Variants in FKBP6 observed in about 807,000 individuals in gnomAD.
FKBP6 encodes inactive peptidyl-prolyl cis-trans isomerase FKBP6.
Under a neutral mutation model 41.7 loss-of-function variants are expected in FKBP6, and 29 were observed. The observed-to-expected ratio is 0.70, with a 90% CI of 0.52 to 0.95. The LOEUF (loss-of-function observed/expected upper bound fraction) is 0.95. FKBP6 is among the 40% of genes least tolerant of loss of function. The pLI, the probability that FKBP6 is intolerant of heterozygous loss-of-function variation, is 0.00. For missense variants in FKBP6, 338 were observed against 408.7 expected, an observed-to-expected ratio of 0.83 and a Z score of 1.49; for synonymous variants, 130 against 165.1, an observed-to-expected ratio of 0.79 and a Z score of 1.63.
At position 73,329,369 on chromosome 7, in the gene FKBP6, C is replaced by T. The variant is rs781937546; in HGVS notation, c.185C>T (p.Ser62Leu). Reference protein sequence around the residue: ...APDASVLVKYSGYLEHMDRPF... With the variant: ...APDASVLVKYLGYLEHMDRPF... ...CTTTCTTCTATCCTAGTGAAATACT[C>T]GGGATACCTGGAACACATGGACAGA... is the stretch of plus-strand genomic sequence containing the variant. Residue 62 changes from serine to leucine, a missense_variant, in exon 3 of 9, where the codon TCG becomes TTG. Physicochemically the swap from Ser to Leu is moderately radical, Grantham distance 145. Coordinates refer to ENST00000252037, the MANE Select transcript of FKBP6 (RefSeq NM_003602.5). 5.6e-6 allele frequency: 9 copies of T among 1,596,626 alleles called. No homozygotes were observed. Among genetic ancestry groups the T allele is most frequent in the South Asian group, 1.1e-5 (1 of 90,742 alleles).
intron 8 of FKBP6, among the ~76,000 whole-genome samples, chr7:73,347,462 A>G (rs1291972868): frequency 4.6e-5 from 7 of 152,204 alleles, no homozygotes; most frequent in Admixed American, 3.9e-4. Flanking sequence ...ACAGGGCTCA[A>G]TACTATGTTT....
chr7:73,356,716 T>C (rs1318478292), intron 8 of FKBP6, among the ~76,000 whole-genome samples: 1 of 152,262 alleles, frequency 6.6e-6, no homozygotes, highest in Non-Finnish European at 1.5e-5. Context: ...GCAGTTTCAC[T>C]GCATGCATCA....
intron 5 of FKBP6, chr7:73,337,079 G>T (rs1805027453): frequency 3.1e-6 from 1 of 319,404 alleles, no homozygotes; most frequent in Non-Finnish European, 6.2e-6. Context: ...GTTTCCAGCT[G>T]ACAACTTGCT....
chr7:73,357,128 T>C (rs17339199), intron 8 of FKBP6, among the ~76,000 whole-genome samples: 144,816 of 152,212 alleles, frequency 0.95, 68,982 homozygotes, highest in African/African-American at 0.99. Context: ...TGCATGCTTC[T>C]AGAACAGTAG....
intron 5 of FKBP6, among the ~76,000 whole-genome samples, chr7:73,337,309 C>CTTTTT (rs5884903): frequency 1.4e-4 from 16 of 112,464 alleles, no homozygotes; most frequent in South Asian, 5.9e-4. Flanking sequence ...CTTCCATGTT[C>CTTTTT]TTTTTTTTTT....
intron 5 of FKBP6, among the ~76,000 whole-genome samples, chr7:73,338,700 T>G (rs1805082259): frequency 6.6e-6 from 1 of 152,266 alleles, no homozygotes; most frequent in South Asian, 2.1e-4. Context: ...ACTGTGGTTT[T>G]GATTTGCATT....
At chr7:73,347,408 C>A (rs891913996) in intron 8 of FKBP6, among the ~76,000 whole-genome samples, 1 of 152,202 alleles carries the variant, frequency 6.6e-6, no homozygotes, top group South Asian at 2.1e-4. Flanking sequence ...TGCATATACA[C>A]AGGGAACCCG....
intron 5 of FKBP6, among the ~76,000 whole-genome samples, chr7:73,339,833 G>C (rs956107750): frequency 3.9e-5 from 6 of 151,940 alleles, no homozygotes; most frequent in Non-Finnish European, 2.9e-5. Context: ...GACGGGTCTC[G>C]AACTCCCGAC....
chr7:73,334,637 A>G (rs1426619443), intron 5 of FKBP6, among the ~76,000 whole-genome samples: 2 of 152,182 alleles, frequency 1.3e-5, no homozygotes, highest in Admixed American at 6.5e-5. Context: ...TAAATTTTAG[A>G]AAATTGAAGG....
At chr7:73,330,520 T>C (rs1158268460) in intron 4 of FKBP6, among the ~76,000 whole-genome samples, 168 bp downstream of exon 4, 2 of 152,138 alleles carry the variant, frequency 1.3e-5, no homozygotes, top group African/African-American at 4.8e-5. Flanking sequence ...TCTGTGTTTG[T>C]CTTAGTAATG....
chr7:73,342,703 A>C (rs1805225205), intron 7 of FKBP6, 104 bp from the exon 8 acceptor site: 2 of 846,116 alleles, frequency 2.4e-6, no homozygotes, highest in Non-Finnish European at 4.1e-6. Context: ...TTGAGTCCTG[A>C]TAAATTTTCA....
intron 8 of FKBP6, among the ~76,000 whole-genome samples, chr7:73,348,476 A>G (rs1805397872): frequency 6.6e-6 from 1 of 152,166 alleles, no homozygotes; most frequent in African/African-American, 2.4e-5. Flanking sequence ...CTCCTTCGCA[A>G]CACTCAGGAC....
chr7:73,357,596 G>A (rs1380024294), intron 8 of FKBP6, among the ~76,000 whole-genome samples: 1 of 152,036 alleles, frequency 6.6e-6, no homozygotes, highest in Non-Finnish European at 1.5e-5. Context: ...CCCGTTGCCT[G>A]TGGTTCTGGA....
At chr7:73,334,594 G>C (rs1398255873) in intron 5 of FKBP6, among the ~76,000 whole-genome samples, 1 of 152,022 alleles carries the variant, frequency 6.6e-6, no homozygotes, top group Non-Finnish European at 1.5e-5. Context: ...GATCAGTCTG[G>C]GCACCATAGC....
intron 5 of FKBP6, among the ~76,000 whole-genome samples, chr7:73,338,757 C>T (rs1200577337): frequency 6.6e-6 from 1 of 152,184 alleles, no homozygotes; most frequent in Admixed American, 6.5e-5. Context: ...CATTTAATGA[C>T]TATTTGTCTA....
At position 73,340,705 on chromosome 7, in the gene FKBP6, T is replaced by C. The variant is rs782685187; in HGVS notation, c.656T>C (p.Leu219Pro). 1.2e-6 allele frequency: 2 copies of C among 1,613,996 alleles called. No individual in the cohort carries two copies. The highest frequency in any genetic ancestry group is 1.7e-5 in the Admixed American group (1 of 59,982). ...EEQHLVEAAK[L>P]PVLLNLSFTY... ...CAGCACCTGGTGGAGGCCGCCAAGC[T>C]TCCTGTTCTCCTGAACCTGTCCTTT... Residue 219 changes from leucine to proline, a missense_variant, in exon 6 of 9, where the codon CTT becomes CCT. Transcript: ENST00000252037.
At chr7:73,337,808 C>T (rs1484304501) in intron 5 of FKBP6, among the ~76,000 whole-genome samples, 1 of 152,058 alleles carries the variant, frequency 6.6e-6, no homozygotes, top group African/African-American at 2.4e-5. Context: ...GCAGCCATTG[C>T]CACTATCTAA....
At chr7:73,347,411 G>T (rs998427357) in intron 8 of FKBP6, among the ~76,000 whole-genome samples, 6 of 152,136 alleles carry the variant, frequency 3.9e-5, no homozygotes, top group Non-Finnish European at 8.8e-5. Context: ...ATATACACAG[G>T]GAACCCGAAC....
intron 7 of FKBP6, among the ~76,000 whole-genome samples, chr7:73,342,142 C>T (rs890199159): frequency 1.1e-4 from 17 of 152,110 alleles, no homozygotes; most frequent in African/African-American, 3.6e-4. Flanking sequence ...CGTGACTAAG[C>T]ACACCAGTCT....
Sources: allele counts gnomAD v4.1 joint callset (sites outside exome capture counted in the v4.1 genomes callset), GRCh38; gene constraint gnomAD v4.1.1; transcripts MANE v1.5; gene names NCBI Gene and HGNC (gene_info 2026-07-23, HGNC 2026-07-21).